Variants in CLASP1 observed in about 807,000 individuals in gnomAD.
CLASP1 encodes CLIP-associating protein 1.
In CLASP1, 38 loss-of-function variants were observed where a neutral mutation model predicts 192.3. The observed-to-expected ratio is 0.20, with a 90% CI of 0.15 to 0.26. CLASP1 has a LOEUF of 0.26. CLASP1 is among the 10% of genes least tolerant of loss of function. The probability of loss-of-function intolerance (pLI) is 1.00; values close to 1 mark genes in which losing one functional copy is unlikely to be tolerated. For missense variants in CLASP1, 1,433 were observed against 1,932.5 expected (o/e 0.74, Z 4.85); for synonymous variants, 691 against 712.8 (o/e 0.97, Z 0.49).
At chr2:121,464,241 A>G (rs967265859) in intron 9 of CLASP1, among the ~76,000 whole-genome samples, 1 of 151,826 alleles carries the variant, frequency 6.6e-6, no homozygotes, top group East Asian at 1.9e-4. Context: ...AATCCAGTCT[A>G]TCATTGTTGG....
At chr2:121,626,120 G>A (rs2068317941) in intron 1 of CLASP1, among the ~76,000 whole-genome samples, 1 of 150,660 alleles carries the variant, frequency 6.6e-6, no homozygotes, top group South Asian at 2.1e-4. Context: ...AAAGAGAGAA[G>A]AGGACATCTG....
At chr2:121,441,704 A>G (rs1044559690) in intron 19 of CLASP1, among the ~76,000 whole-genome samples, 4 of 152,130 alleles carry the variant, frequency 2.6e-5, no homozygotes, top group Non-Finnish European at 4.4e-5. Flanking sequence ...TAATAGCACC[A>G]CTGCACTCCA....
chr2:121,498,248 A>G (rs1346604565), intron 8 of CLASP1, among the ~76,000 whole-genome samples: 5 of 131,798 alleles, frequency 3.8e-5, no homozygotes, highest in Non-Finnish European at 7.6e-5. Context: ...ACCAGGCTGG[A>G]GCGCAGTGGT....
intron 1 of CLASP1, among the ~76,000 whole-genome samples, chr2:121,626,098 CAA>C (rs557488865): frequency 1.5e-4 from 17 of 111,228 alleles, no homozygotes; most frequent in Non-Finnish European, 1.8e-4. Context: ...GACTCCATCT[CAA>C]AAAAAAAAAA....
At chr2:121,488,120 T>C (rs920125018) in intron 8 of CLASP1, among the ~76,000 whole-genome samples, 1 of 152,208 alleles carries the variant, frequency 6.6e-6, no homozygotes, top group African/African-American at 2.4e-5. Flanking sequence ...GGAGCCCTGG[T>C]AGTGTTAGTG....
At position 121,627,587 on chromosome 2, in the gene CLASP1, G is replaced by A. The variant is rs116536745; in HGVS notation, c.-285-21407C>T. 7.1e-3 allele frequency among the ~76,000 whole-genome samples: 1,079 copies of A among 152,312 alleles called. 12 individuals carry two copies. The highest frequency in any genetic ancestry group is 0.024 in the African/African-American group (990 of 41,568). On this transcript the variant is annotated intron_variant, in intron 1 of 39. Transcript: ENST00000263710. ...ACCACTAGGTAAAGCTACACCTTAG[G>A]TGTACCTGAGCATGAGAATGCAGGC...
At position 121,383,483 on chromosome 2, in the gene CLASP1, G is replaced by A. The variant is rs114541236; in HGVS notation, c.3375-1159C>T. 4.9e-3 allele frequency among the ~76,000 whole-genome samples: 750 copies of A among 151,550 alleles called. 9 individuals carry two copies. The highest frequency in any genetic ancestry group is 0.018 in the African/African-American group (727 of 41,406). ...CAGGCTGGGCCTCTGCTTGGGGAAG[G>A]AGTGGCAGAACACCCACCTCCGAGT... is the stretch of plus-strand genomic sequence containing the variant. On this transcript the variant is annotated intron_variant, in intron 32 of 39. Coordinates refer to ENST00000263710, the Ensembl canonical transcript of CLASP1.
At chr2:121,509,405 C>T (rs946505063) in intron 7 of CLASP1, among the ~76,000 whole-genome samples, 3 of 152,162 alleles carry the variant, frequency 2.0e-5, no homozygotes, top group Non-Finnish European at 4.4e-5. Flanking sequence ...CACTCCTGGG[C>T]TCAAGCAATC....
chr2:121,546,707 G>C (rs1015894456), intron 2 of CLASP1, among the ~76,000 whole-genome samples: 2 of 152,136 alleles, frequency 1.3e-5, no homozygotes, highest in African/African-American at 4.8e-5. Context: ...GGCGCAAACA[G>C]AGACCCGAGA....
At chr2:121,638,364 CA>C (rs1400433436) in intron 1 of CLASP1, among the ~76,000 whole-genome samples, 3 of 151,990 alleles carry the variant, frequency 2.0e-5, no homozygotes, top group Non-Finnish European at 2.9e-5. Context: ...AACCCTTGTA[CA>C]TTGCTAGTCA....
intron 2 of CLASP1, among the ~76,000 whole-genome samples, chr2:121,538,693 G>A (rs567048118): frequency 6.6e-6 from 1 of 151,196 alleles, no homozygotes; most frequent in African/African-American, 2.4e-5. Flanking sequence ...GGCTGAGGCA[G>A]AGAATTGCTT....
chr2:121,465,744 G>A (rs984171301), intron 9 of CLASP1, among the ~76,000 whole-genome samples: 5 of 152,180 alleles, frequency 3.3e-5, no homozygotes, highest in African/African-American at 1.2e-4. Flanking sequence ...CAAAGCTGGA[G>A]GCATCACGCT....
intron 2 of CLASP1, among the ~76,000 whole-genome samples, chr2:121,534,291 A>T (rs935997974): frequency 6.6e-6 from 1 of 152,200 alleles, no homozygotes; most frequent in East Asian, 1.9e-4. Context: ...GGAAACCCAA[A>T]TGGCTAGACT....
At chr2:121,409,003 C>T in intron 24 of CLASP1, 1 of 1,551,014 alleles carries the variant, frequency 6.4e-7, no homozygotes, top group Non-Finnish European at 8.7e-7. Context: ...AGTTGTAAAA[C>T]AAAAGTTAAA....
chr2:121,623,022 G>C (rs562501144), intron 1 of CLASP1, among the ~76,000 whole-genome samples: 2 of 151,966 alleles, frequency 1.3e-5, no homozygotes, highest in Non-Finnish European at 2.9e-5. Context: ...TCAGGAGTTC[G>C]AGACCAGCCT....
At chr2:121,398,102 T>C (rs1456045166) in intron 29 of CLASP1, among the ~76,000 whole-genome samples, 1 of 152,212 alleles carries the variant, frequency 6.6e-6, no homozygotes, top group African/African-American at 2.4e-5. Context: ...ACCATTTTAG[T>C]GGTTTCTAAA....
chr2:121,531,205 C>T (rs1190500912), intron 2 of CLASP1, among the ~76,000 whole-genome samples: 1 of 152,144 alleles, frequency 6.6e-6, no homozygotes, highest in Non-Finnish European at 1.5e-5. Context: ...CGCCGATCAT[C>T]AACTGTTCTG....
At chr2:121,446,882 C>A (rs569836439) in intron 19 of CLASP1, among the ~76,000 whole-genome samples, 1 of 152,294 alleles carries the variant, frequency 6.6e-6, no homozygotes, top group South Asian at 2.1e-4. Flanking sequence ...ACAACCCAAC[C>A]CGATTATCCC....
intron 6 of CLASP1, among the ~76,000 whole-genome samples, chr2:121,516,425 C>T (rs1263186303): frequency 1.3e-5 from 2 of 152,158 alleles, no homozygotes; most frequent in Admixed American, 6.5e-5. Flanking sequence ...ATGGAATGAG[C>T]GAATTCCGAA....
Sources: allele counts gnomAD v4.1 joint callset (sites outside exome capture counted in the v4.1 genomes callset), GRCh38; gene constraint gnomAD v4.1.1; transcripts MANE v1.5; gene names NCBI Gene and HGNC (gene_info 2026-07-23, HGNC 2026-07-21).